The following LAMB3 variants were observed in gnomAD, a reference collection of about 807,000 sequenced individuals.
The protein encoded by LAMB3 is laminin subunit beta 3, also known as laminin subunit beta-3.
In LAMB3, 104 loss-of-function variants were observed where a neutral mutation model predicts 140.3. The ratio of observed to expected loss-of-function variants is 0.74; its 90% CI spans 0.63 to 0.87. The LOEUF (loss-of-function observed/expected upper bound fraction) is 0.87, where lower values mean the gene tolerates loss of function less well. LAMB3 is among the 40% of genes least tolerant of loss of function. LAMB3 has a pLI of 0.00. For synonymous variants in LAMB3, 592 were observed against 602.9 expected, an observed-to-expected ratio of 0.98 and a Z score of 0.26; for missense variants, 1,531 against 1,575.2, an observed-to-expected ratio of 0.97 and a Z score of 0.47.
intron 11 of LAMB3, among the ~76,000 whole-genome samples, 161 bp from the exon 12 acceptor site, chr1:209,627,740 A>C (rs1016039797): frequency 2.0e-5 from 3 of 152,176 alleles, no homozygotes; most frequent in Non-Finnish European, 4.4e-5. Flanking sequence ...CTGTCCCACC[A>C]GTTCCAGCCA....
rs550845530 is a variant in LAMB3, at chr1:209,627,643, C to A, written c.1289-64G>T. The A allele has an allele frequency of 2.9e-5, 44 of 1,491,870 alleles. 1 individual carries two copies. The African/African-American group carries it at 4.7e-4, about 16-fold the overall frequency. 92.4% of individuals were successfully genotyped at this position (1,491,870 alleles called of 1,614,324 possible). A position where few individuals can be genotyped will look rare whatever the true frequency, so the allele number is the denominator to read the frequency against. ...ATGAAAAACTCACCCCCAGAGGACA[C>A]ACATCCAGGGAGGGGCGCTGCCTGG... On this transcript the variant is annotated intron_variant, in intron 11 of 22. Coordinates refer to ENST00000356082, the MANE Select transcript of LAMB3 (RefSeq NM_000228.3).
chr1:209,622,804 C>A, intron 17 of LAMB3, 124 bp from the exon 18 acceptor site: 1 of 1,398,246 alleles, frequency 7.2e-7, no homozygotes, highest in Non-Finnish European at 1.0e-6. Context: ...ACCAACCCAG[C>A]TTACATGTGG....
chr1:209,623,395 G>T lies in LAMB3; in HGVS notation c.2358+110C>A. 1 of 1,173,604 alleles carries T rather than the reference G, an allele frequency of 8.5e-7. No individual in the cohort carries two copies. Among genetic ancestry groups the T allele is most frequent in the Non-Finnish European group, 1.3e-6 (1 of 787,878 alleles). The allele number at this position is 1,173,604 out of a possible 1,614,324, so 72.7% of individuals were successfully genotyped here. A position where few individuals can be genotyped will look rare whatever the true frequency, so the allele number is the denominator to read the frequency against. ...CAAGGGTCGGGATGGCTGGGGGAGTGGGGTTCTCACAGGGGCAGATCTGCC... is the reference window on the plus strand; with the variant it reads ...CAAGGGTCGGGATGGCTGGGGGAGTTGGGTTCTCACAGGGGCAGATCTGCC... On this transcript the variant is annotated intron_variant, in intron 16 of 22. Coordinates refer to ENST00000356082, the MANE Select transcript of LAMB3 (RefSeq NM_000228.3). The surrounding 1 kb of genome is among the most constrained non-coding windows in gnomAD (Gnocchi z 4.2).
chr1:209,632,475 C>A (rs1666724169), intron 8 of LAMB3, 108 bp downstream of exon 8: 4 of 847,380 alleles, frequency 4.7e-6, no homozygotes, highest in Non-Finnish European at 7.5e-6. Context: ...TATTAAATAC[C>A]CAAGTCTTAG....
Position 209,630,742 on chromosome 1 carries a change from G to T in LAMB3, c.823-7C>A. On this transcript the variant is annotated splice_region_variant and splice_polypyrimidine_tract_variant and intron_variant, in intron 8 of 22. Coordinates refer to ENST00000356082, the MANE Select transcript of LAMB3 (RefSeq NM_000228.3). ...AGACACAGACATCGTGGACCTGGGA[G>T]GGGGACCGTCAGCCATCAGGAGTAA... 2 of 1,613,710 alleles carry T rather than the reference G, an allele frequency of 1.2e-6. No homozygotes were observed. The highest frequency in any genetic ancestry group is 1.7e-6 in the Non-Finnish European group (2 of 1,179,940).
In LAMB3 at chr1:209,650,076, CCA is replaced by C. The variant is rs1057516884; in HGVS notation, c.69_70del (p.Ala25LeufsTer28). On this transcript the variant is annotated frameshift_variant, in exon 3 of 23. Transcript: ENST00000356082. LOFTEE classifies it high-confidence loss of function. ...GTCCCCAACAGGTGGATAGCAGGCC[CCA>C]CGGGAGCAGGCTTGTTGGGCATGCA... 4 of 1,614,090 alleles carry C rather than the reference CCA, an allele frequency of 2.5e-6. No homozygotes were observed. Among genetic ancestry groups the C allele is most frequent in the Non-Finnish European group, 3.4e-6 (4 of 1,180,030 alleles).
chr1:209,619,274 C>T (rs1346633605), intron 18 of LAMB3, among the ~76,000 whole-genome samples: 1 of 152,202 alleles, frequency 6.6e-6, no homozygotes, highest in Non-Finnish European at 1.5e-5. Context: ...CACCCATGTG[C>T]CAAACACTGT....
Position 209,632,661 on chromosome 1 carries a change from C to G in LAMB3, c.744G>C (p.Gly248=), listed in dbSNP as rs772980989. ...CAGCATGGCCGTGACAGAAGCAGCT[C>G]CCCTGCAGACGGAGCTGGGACACAG... is the stretch of plus-strand genomic sequence containing the variant. ...YYAVSQLRLQ[G]SCFCHGHADR... The change falls in exon 8 of 23, where the codon GGG becomes GGC. Residue 248 remains glycine (G), a synonymous_variant. Transcript: ENST00000356082. The G allele has an allele frequency of 3.7e-6, 6 of 1,614,064 alleles. No homozygotes were observed. In the Admixed American group the frequency reaches 8.3e-5, roughly 22 times the overall value.
chr1:209,629,778 C>T lies in LAMB3; in HGVS notation c.1091G>A (p.Arg364Gln), dbSNP rs776762253. ...NCERCQLHYF[R>Q]NRRPGASIQE... is the part of the protein sequence containing the mutation. ...AATGGAAGCTCCCGGGCGCCGGTTC[C>T]GGAAATAGTGCAGCTGACACCGCTC... Residue 364 changes from arginine to glutamine, a missense_variant, in exon 10 of 23, where the codon CGG (arginine) becomes CAG (glutamine). By Grantham distance (43) the Arg-to-Gln change is conservative. Coordinates refer to ENST00000356082, the MANE Select transcript of LAMB3 (RefSeq NM_000228.3). 65 of 1,613,902 alleles carry T rather than the reference C, an allele frequency of 4.0e-5. No individual in the cohort carries two copies. The highest frequency in any genetic ancestry group is 1.0e-4 in the Admixed American group (6 of 60,000).
At chr1:209,647,756 G>A (rs1437950312) in intron 3 of LAMB3, among the ~76,000 whole-genome samples, 1 of 152,102 alleles carries the variant, frequency 6.6e-6, no homozygotes, top group African/African-American at 2.4e-5. Flanking sequence ...TACACGATAT[G>A]TTTCTCTCGG....
At chr1:209,615,515 A>G (rs754151846) in intron 22 of LAMB3, 108 bp from the exon 23 acceptor site, 1 of 1,319,282 alleles carries the variant, frequency 7.6e-7, no homozygotes, top group Non-Finnish European at 1.0e-6. Flanking sequence ...GTGTAGAGGA[A>G]TCCCCTCCAG....
At chr1:209,626,657 C>A (rs1045770744) in intron 13 of LAMB3, among the ~76,000 whole-genome samples, 1 of 152,230 alleles carries the variant, frequency 6.6e-6, no homozygotes, top group Non-Finnish European at 1.5e-5. Context: ...GTCACGGGGA[C>A]GCAGGAACAG....
At chr1:209,630,912 G>T (rs1217636469) in intron 8 of LAMB3, among the ~76,000 whole-genome samples, 177 bp from the exon 9 acceptor site, 1 of 152,232 alleles carries the variant, frequency 6.6e-6, no homozygotes, top group Non-Finnish European at 1.5e-5. Flanking sequence ...GAAACTGTCT[G>T]CTATTGTTCT....
At position 209,618,335 on chromosome 1, in the gene LAMB3, T is replaced by C. The variant is rs1157212343; in HGVS notation, c.2909+117A>G. 5.7e-6 allele frequency: 6 copies of C among 1,061,222 alleles called. No individual in the cohort carries two copies. In the Admixed American group the frequency reaches 9.9e-5, roughly 17 times the overall value. The allele number at this position is 1,061,222 out of a possible 1,614,324, so 65.7% of individuals were successfully genotyped here. ...GGACTCTGTGTACCACTCTCCACCATGGTAAGCACCCCCTCCTGTCTCCCA... is the reference window on the plus strand; with the variant it reads ...GGACTCTGTGTACCACTCTCCACCACGGTAAGCACCCCCTCCTGTCTCCCA... On this transcript the variant is annotated intron_variant, in intron 19 of 22. Transcript: ENST00000356082.
intron 3 of LAMB3, among the ~76,000 whole-genome samples, chr1:209,645,991 T>A (rs1211896225): frequency 6.6e-6 from 1 of 152,244 alleles, no homozygotes; most frequent in Non-Finnish European, 1.5e-5. Context: ...CTACTGTTCC[T>A]CAGCTTGTTT....
intron 18 of LAMB3, 73 bp from the exon 19 acceptor site, chr1:209,618,732 G>A: frequency 6.8e-7 from 1 of 1,461,726 alleles, no homozygotes; most frequent in Non-Finnish European, 9.4e-7. Context: ...TCCTAGCTGA[G>A]CAGCACTTGT....
At position 209,634,534 on chromosome 1, in the gene LAMB3, C is replaced by A. The variant is rs1666821982; in HGVS notation, c.477G>T (p.Arg159=). ...AGCTCTGAGGCCGACCCTGGCGGAC[C>A]CGAGGGAAGGTGGAGGTGCAGTCGG... ...LAADCTSTFP[R]VRQGRPQSWQ... is the part of the protein sequence containing the mutation. Residue 159 remains arginine, a synonymous_variant, in exon 6 of 23, where the codon CGG becomes CGT. Coordinates refer to ENST00000356082, the MANE Select transcript of LAMB3 (RefSeq NM_000228.3). 28 of 1,614,064 alleles carry A rather than the reference C, an allele frequency of 1.7e-5. No individual in the cohort carries two copies. The highest frequency in any genetic ancestry group is 2.4e-5 in the Non-Finnish European group (28 of 1,180,006).
At chr1:209,630,231 A>G (rs575785068) in intron 9 of LAMB3, among the ~76,000 whole-genome samples, 3 of 152,144 alleles carry the variant, frequency 2.0e-5, no homozygotes, top group Admixed American at 2.0e-4. Context: ...CCCACTGCCA[A>G]CACTGGTCTC....
chr1:209,645,370 A>G (rs2076507071), intron 3 of LAMB3, among the ~76,000 whole-genome samples: 1 of 152,138 alleles, frequency 6.6e-6, no homozygotes, highest in Non-Finnish European at 1.5e-5. Flanking sequence ...TAAACTCCCA[A>G]GGTAGAGCTC....
Sources: allele counts gnomAD v4.1 joint callset (sites outside exome capture counted in the v4.1 genomes callset), GRCh38; gene constraint gnomAD v4.1.1; non-coding constraint Gnocchi (gnomAD v3.1); transcripts MANE v1.5; gene names NCBI Gene and HGNC (gene_info 2026-07-23, HGNC 2026-07-21).